Variants in MTUS2 observed in about 807,000 individuals in gnomAD.
MTUS2 encodes the protein microtubule-associated tumor suppressor candidate 2.
MTUS2 carries 40 observed loss-of-function variants against 114.1 expected under a neutral mutation model. The observed-to-expected ratio is 0.35, with a 90% CI of 0.27 to 0.46. The LOEUF is 0.46. Among genes scored for constraint, MTUS2 ranks in the 20% least tolerant of loss-of-function variants. MTUS2 has a pLI of 1.00. For missense variants in MTUS2, 1,679 were observed against 1,705.4 expected (o/e 0.98, Z 0.27); for synonymous variants, 688 against 672.0 (o/e 1.02, Z -0.37).
At position 29,472,006 on chromosome 13, in the gene MTUS2, A is replaced by T. The variant is rs189303612; in HGVS notation, c.3185-8144A>T. Among the ~76,000 whole-genome samples, 33 of 151,858 alleles carry T rather than the reference A, an allele frequency of 2.2e-4. 1 individual carries two copies. In the East Asian group the frequency reaches 3.7e-3, roughly 17 times the overall value. ...GAGTCCCAGTGACTCCTGTTCTTTC[A>T]CTCTTGGTCCATGAACTTTCTGTTG... is the stretch of plus-strand genomic sequence containing the variant. On this transcript the variant is annotated intron_variant, in intron 9 of 15. Transcript: ENST00000612955.
intron 7 of MTUS2, 147 bp downstream of exon 7, chr13:29,324,858 C>G (rs768285385): frequency 1.9e-5 from 12 of 639,568 alleles, no homozygotes; most frequent in Non-Finnish European, 3.0e-5. Flanking sequence ...TGTTTTCTGA[C>G]TCTAGATGAA....
chr13:28,842,161 C>G (rs1319339791), intron 2 of MTUS2, among the ~76,000 whole-genome samples: 1 of 152,036 alleles, frequency 6.6e-6, no homozygotes, highest in Non-Finnish European at 1.5e-5. Context: ...ACGACCTCTC[C>G]TCTGCTCCCC....
At chr13:28,823,062 A>G (rs1474537637) in intron 1 of MTUS2, among the ~76,000 whole-genome samples, 2 of 152,064 alleles carry the variant, frequency 1.3e-5, no homozygotes, top group Non-Finnish European at 2.9e-5. Flanking sequence ...AAGGGAGGAA[A>G]GTGGGTTAAA....
chr13:29,405,403 G>C (rs956791154), intron 8 of MTUS2, among the ~76,000 whole-genome samples: 2 of 152,058 alleles, frequency 1.3e-5, no homozygotes, highest in Admixed American at 1.3e-4. Flanking sequence ...AAGTTCATAA[G>C]CATCACAATT....
intron 2 of MTUS2, among the ~76,000 whole-genome samples, chr13:28,899,510 C>T (rs564436483): frequency 1.5e-3 from 222 of 152,116 alleles, no homozygotes; most frequent in African/African-American, 4.4e-3. Context: ...CCCAGGTTCA[C>T]GCCATTCTCC....
At chr13:29,458,891 G>A (rs1879293835) in intron 9 of MTUS2, among the ~76,000 whole-genome samples, 1 of 152,238 alleles carries the variant, frequency 6.6e-6, no homozygotes, top group African/African-American at 2.4e-5. Flanking sequence ...GTCCAAAGTT[G>A]AGAGGCCTAT....
chr13:29,367,263 TG>T (rs1870798257), intron 8 of MTUS2, among the ~76,000 whole-genome samples: 3 of 152,078 alleles, frequency 2.0e-5, no homozygotes, highest in Admixed American at 6.5e-5. Context: ...GTGGAGGAAT[TG>T]GGCCTTCCGG....
intron 5 of MTUS2, among the ~76,000 whole-genome samples, chr13:29,210,744 A>G (rs1459416642): frequency 6.6e-6 from 1 of 152,150 alleles, no homozygotes; most frequent in Non-Finnish European, 1.5e-5. Context: ...GGCTGGTACT[A>G]GGGAGTTTCT....
intron 5 of MTUS2, among the ~76,000 whole-genome samples, chr13:29,132,550 T>C (rs1048741819): frequency 2.0e-5 from 3 of 152,210 alleles, no homozygotes; most frequent in Admixed American, 6.5e-5. Flanking sequence ...ACAATTCTGC[T>C]TTCTGTCTCA....
chr13:29,137,279 A>G (rs1892018706), intron 5 of MTUS2, among the ~76,000 whole-genome samples: 1 of 151,912 alleles, frequency 6.6e-6, no homozygotes. Flanking sequence ...TTTCAAAATT[A>G]TCTCTGTCTT....
intron 9 of MTUS2, chr13:29,476,674 C>T (rs1880730272): frequency 6.6e-6 from 1 of 152,154 alleles, no homozygotes; most frequent in South Asian, 2.1e-4. Flanking sequence ...AACCCAGATT[C>T]TTTATCTCCC....
intron 2 of MTUS2, among the ~76,000 whole-genome samples, chr13:28,875,462 A>G (rs1388302241): frequency 6.6e-6 from 1 of 152,238 alleles, no homozygotes; most frequent in Non-Finnish European, 1.5e-5. Context: ...TATCCTGGCT[A>G]TGCCCTTACA....
intron 4 of MTUS2, among the ~76,000 whole-genome samples, chr13:29,062,945 T>C (rs1025645632): frequency 1.3e-5 from 2 of 152,222 alleles, no homozygotes; most frequent in Non-Finnish European, 2.9e-5. Flanking sequence ...TTGAATCCAG[T>C]GTTCTTTGAC....
At chr13:29,186,156 G>A (rs1181733795) in intron 5 of MTUS2, among the ~76,000 whole-genome samples, 1 of 152,246 alleles carries the variant, frequency 6.6e-6, no homozygotes, top group Non-Finnish European at 1.5e-5. Flanking sequence ...AAAGGCTGCA[G>A]TGAGCTGTTA....
At chr13:28,976,893 T>G (rs1207344407) in intron 2 of MTUS2, among the ~76,000 whole-genome samples, 1 of 152,204 alleles carries the variant, frequency 6.6e-6, no homozygotes, top group Admixed American at 6.5e-5. Flanking sequence ...AAAACAAATT[T>G]GCATAGACTA....
At chr13:29,065,604 G>GA (rs1204004858) in intron 4 of MTUS2, among the ~76,000 whole-genome samples, 2 of 152,150 alleles carry the variant, frequency 1.3e-5, no homozygotes, top group Non-Finnish European at 2.9e-5. Flanking sequence ...AAAATAAACA[G>GA]ACATAGTCTG....
intron 5 of MTUS2, among the ~76,000 whole-genome samples, chr13:29,131,600 T>G (rs1303937006): frequency 6.6e-6 from 1 of 152,236 alleles, no homozygotes; most frequent in Non-Finnish European, 1.5e-5. Flanking sequence ...CTGAGACATC[T>G]GTAGGTCAGC....
chr13:29,221,367 T>C (rs1895901161), intron 5 of MTUS2, among the ~76,000 whole-genome samples: 1 of 152,266 alleles, frequency 6.6e-6, no homozygotes, highest in South Asian at 2.1e-4. Context: ...AAGTAGTTTA[T>C]TCTCCATTTT....
chr13:29,221,531 A>G lies in MTUS2; in HGVS notation c.2645-60173A>G, dbSNP rs576814515. Among the ~76,000 whole-genome samples, 7 of 152,276 alleles carry G rather than the reference A, an allele frequency of 4.6e-5. No individual in the cohort carries two copies. In the South Asian group the frequency reaches 1.0e-3, roughly 23 times the overall value. ...GGATTTCTACAAATTGCTGGTTTAT[A>G]TAATTCCCACATTTCTATTTGGGTT... On this transcript the variant is annotated intron_variant, in intron 5 of 15. Coordinates refer to ENST00000612955, the MANE Select transcript of MTUS2 (RefSeq NM_001033602.4).
Sources: gnomAD v4.1 joint callset for allele counts (sites outside exome capture counted in the v4.1 genomes callset) on GRCh38, gnomAD v4.1.1 for gene constraint, MANE v1.5 for transcripts, NCBI Gene and HGNC (gene_info 2026-07-23, HGNC 2026-07-21) for gene names.